GNG12: variants seen among roughly 807,000 people sequenced by gnomAD.
GNG12 encodes G protein subunit gamma 12.
For synonymous variants in GNG12, 28 were observed against 29.7 expected (o/e 0.94, Z 0.19); for missense variants, 69 against 83.8 (o/e 0.82, Z 0.69).
chr1:67,737,008 T>C (rs1247500541), intron 2 of GNG12, among the ~76,000 whole-genome samples: 1 of 152,216 alleles, frequency 6.6e-6, no homozygotes, highest in Non-Finnish European at 1.5e-5. Flanking sequence ...GTACTAAAGT[T>C]GTGCAGCCTG....
intron 2 of GNG12, among the ~76,000 whole-genome samples, chr1:67,739,989 C>T (rs753885492): frequency 2.6e-5 from 4 of 152,008 alleles, no homozygotes; most frequent in Non-Finnish European, 5.9e-5. Context: ...TATTATTTAA[C>T]GAAAAATTAA....
At chr1:67,777,883 G>C (rs1207403354) in intron 1 of GNG12, among the ~76,000 whole-genome samples, 1 of 152,080 alleles carries the variant, frequency 6.6e-6, no homozygotes, top group African/African-American at 2.4e-5. Flanking sequence ...AAATACTGGT[G>C]GTCCAACATA....
intron 1 of GNG12, among the ~76,000 whole-genome samples, chr1:67,804,940 AAAAAGC>A (rs1646886756): frequency 6.6e-6 from 1 of 152,178 alleles, no homozygotes; most frequent in Non-Finnish European, 1.5e-5. Context: ...GGGAGGGTGA[AAAAAGC>A]ATTCTGAAAT....
chr1:67,738,947 G>A (rs1646467662), intron 2 of GNG12, among the ~76,000 whole-genome samples: 1 of 152,216 alleles, frequency 6.6e-6, no homozygotes, highest in African/African-American at 2.4e-5. Context: ...GGGAGGCCAA[G>A]GTGGGCAAAT....
chr1:67,827,239 C>T (rs1363078090), intron 1 of GNG12, among the ~76,000 whole-genome samples: 1 of 152,186 alleles, frequency 6.6e-6, no homozygotes, highest in African/African-American at 2.4e-5. Flanking sequence ...TGGTGGCCTA[C>T]TGTGTCAGAA....
intron 2 of GNG12, among the ~76,000 whole-genome samples, chr1:67,762,594 A>G (rs1646611984): frequency 6.6e-6 from 1 of 152,364 alleles, no homozygotes; most frequent in Admixed American, 6.5e-5. Context: ...CATATATGGC[A>G]TCCTTCTACT....
intron 2 of GNG12, among the ~76,000 whole-genome samples, chr1:67,760,555 C>T (rs151304489): frequency 2.3e-4 from 35 of 152,226 alleles, no homozygotes; most frequent in African/African-American, 4.8e-4. Flanking sequence ...CCTGATGGAT[C>T]GTGTTCAAGG....
intron 1 of GNG12, among the ~76,000 whole-genome samples, chr1:67,807,040 TA>T (rs958466929): frequency 3.3e-5 from 5 of 151,890 alleles, no homozygotes; most frequent in Admixed American, 1.3e-4. Context: ...CACTGGGCCA[TA>T]AAAAAAACCT....
At chr1:67,774,911 T>G (rs887589715) in intron 2 of GNG12, among the ~76,000 whole-genome samples, 1 of 152,190 alleles carries the variant, frequency 6.6e-6, no homozygotes, top group African/African-American at 2.4e-5. Flanking sequence ...CAAAAGCAAT[T>G]GAAAAGGAGA....
At chr1:67,755,380 G>T (rs907028880) in intron 2 of GNG12, among the ~76,000 whole-genome samples, 3 of 152,150 alleles carry the variant, frequency 2.0e-5, no homozygotes, top group African/African-American at 7.2e-5. Flanking sequence ...TTGTCTTAGA[G>T]GTACTTATTA....
chr1:67,726,761 G>C (rs1646388755), intron 2 of GNG12, among the ~76,000 whole-genome samples: 1 of 152,340 alleles, frequency 6.6e-6, no homozygotes, highest in Non-Finnish European at 1.5e-5. Flanking sequence ...AACATCTTGT[G>C]TGTTCTGAGT....
intron 2 of GNG12, among the ~76,000 whole-genome samples, chr1:67,753,854 G>A (rs1055210635): frequency 8.5e-5 from 13 of 152,174 alleles, no homozygotes; most frequent in Non-Finnish European, 1.9e-4. Flanking sequence ...AGTTGTTTTT[G>A]TGGTGTCGGT....
intron 1 of GNG12, among the ~76,000 whole-genome samples, chr1:67,806,372 A>G (rs565812835): frequency 7.2e-5 from 11 of 152,292 alleles, no homozygotes; most frequent in African/African-American, 2.6e-4. Flanking sequence ...GAGAAGGTCC[A>G]CTTCTACTTG....
chr1:67,763,696 G>A (rs144761079), intron 2 of GNG12, among the ~76,000 whole-genome samples: 235 of 152,098 alleles, frequency 1.5e-3, no homozygotes, highest in African/African-American at 5.5e-3. Context: ...ACACAAGCAT[G>A]TCCTTATTAG....
intron 1 of GNG12, among the ~76,000 whole-genome samples, chr1:67,821,917 G>A (rs1367676075): frequency 6.6e-6 from 1 of 152,000 alleles, no homozygotes; most frequent in African/African-American, 2.4e-5. Context: ...CAGGATCTGA[G>A]AAGTCAGGTG....
At chr1:67,770,800 C>G (rs904803857) in intron 2 of GNG12, among the ~76,000 whole-genome samples, 2 of 151,876 alleles carry the variant, frequency 1.3e-5, no homozygotes, top group Non-Finnish European at 2.9e-5. Flanking sequence ...GCTGCACACT[C>G]CCCCTGACCC....
chr1:67,749,166 A>G (rs188893641), intron 2 of GNG12, among the ~76,000 whole-genome samples: 1 of 152,350 alleles, frequency 6.6e-6, no homozygotes, highest in East Asian at 1.9e-4. Flanking sequence ...TAAGAAGAAT[A>G]GTCTGCTAAC....
chr1:67,816,197 C>G (rs1167876381), intron 1 of GNG12, among the ~76,000 whole-genome samples: 1 of 152,118 alleles, frequency 6.6e-6, no homozygotes, highest in Non-Finnish European at 1.5e-5. Context: ...GAGCTTTCCT[C>G]AAGTCAAGAA....
intron 2 of GNG12, among the ~76,000 whole-genome samples, chr1:67,733,796 T>C (rs1354424864): frequency 6.6e-6 from 1 of 152,174 alleles, no homozygotes; most frequent in Non-Finnish European, 1.5e-5. Flanking sequence ...CCAAATGTTA[T>C]CTGCCTGTTG....
Sources: allele counts gnomAD v4.1 joint callset (sites outside exome capture counted in the v4.1 genomes callset), GRCh38; gene constraint gnomAD v4.1.1; transcripts MANE v1.5; gene names NCBI Gene and HGNC (gene_info 2026-07-23, HGNC 2026-07-21).